The following NDFIP1 variants were observed in gnomAD, a reference collection of about 807,000 sequenced individuals.
NDFIP1 encodes the protein Nedd4 family interacting protein 1.
Under a neutral mutation model 28.8 loss-of-function variants are expected in NDFIP1, and 7 were observed. That is an observed-to-expected ratio of 0.24 (90% confidence interval 0.14 to 0.46). The LOEUF is 0.46. Ranked by LOEUF, NDFIP1 falls within the 20% of genes least tolerant of loss-of-function variation. The pLI, the probability that NDFIP1 is intolerant of heterozygous loss-of-function variation, is 0.99. For synonymous variants in NDFIP1, 92 were observed against 101.0 expected (o/e 0.91, Z 0.53); for missense variants, 194 against 269.1 (o/e 0.72, Z 1.95).
At chr5:142,114,592 T>C (rs980743252) in intron 1 of NDFIP1, among the ~76,000 whole-genome samples, 1 of 152,228 alleles carries the variant, frequency 6.6e-6, no homozygotes, top group African/African-American at 2.4e-5. Context: ...CCACATTATT[T>C]TGAAACGAAT....
intron 1 of NDFIP1, 120 bp downstream of exon 1, chr5:142,109,157 G>C: frequency 1.1e-6 from 1 of 945,284 alleles, no homozygotes; most frequent in African/African-American, 1.7e-5. Context: ...GGCAGGCCGC[G>C]CTGGGCCTGG....
intron 1 of NDFIP1, among the ~76,000 whole-genome samples, chr5:142,118,725 C>A (rs1395570313): frequency 6.6e-6 from 1 of 152,210 alleles, no homozygotes; most frequent in Non-Finnish European, 1.5e-5. Context: ...GAATTTCCTG[C>A]ATGGGGCATT....
chr5:142,146,788 C>T (rs1267433787), intron 7 of NDFIP1, among the ~76,000 whole-genome samples: 6 of 152,106 alleles, frequency 3.9e-5, no homozygotes, highest in African/African-American at 1.2e-4. Flanking sequence ...GAAATAGCAG[C>T]CCAGTTGACA....
intron 1 of NDFIP1, among the ~76,000 whole-genome samples, chr5:142,121,497 T>C (rs933279295): frequency 4.6e-5 from 7 of 152,226 alleles, no homozygotes; most frequent in African/African-American, 1.4e-4. Context: ...GCCATCCAAA[T>C]CATAGCAATC....
At position 142,152,507 on chromosome 5, in the gene NDFIP1, C is replaced by T. The variant is rs1239593478; in HGVS notation, c.*779C>T. On this transcript the variant is annotated 3_prime_UTR_variant, in exon 8 of 8. Coordinates refer to ENST00000253814, the MANE Select transcript of NDFIP1 (RefSeq NM_030571.4). ...CTTCACCCCCACCCCCACCCCCACC[C>T]CCCTTATTTTCCTTTTGTCTCCTGG... The T allele has an allele frequency of 6.7e-6, 1 of 148,618 alleles. No individual in the cohort carries two copies. Among genetic ancestry groups the T allele is most frequent in the African/African-American group, 2.5e-5 (1 of 40,138 alleles). The allele number at this position is 148,618 out of a possible 1,614,324, so 9.2% of individuals were successfully genotyped here.
chr5:142,132,400 A>G (rs1221511553), intron 3 of NDFIP1, 58 bp downstream of exon 3: 10 of 1,566,956 alleles, frequency 6.4e-6, no homozygotes, highest in Non-Finnish European at 7.8e-6. Context: ...AGTTATTTTC[A>G]TTATCCAATT....
chr5:142,143,205 A>G (rs1757354069), intron 6 of NDFIP1: 1 of 152,014 alleles, frequency 6.6e-6, no homozygotes, highest in Admixed American at 6.6e-5. Context: ...TATTTCACAT[A>G]AAACGCCTGA....
rs60076432 is a variant in NDFIP1 at position 142,142,940 on chromosome 5, A to AAAAATAT, written c.563-1630_563-1629insAAATATA. On this transcript the variant is annotated intron_variant, in intron 6 of 7. Coordinates refer to ENST00000253814, the MANE Select transcript of NDFIP1 (RefSeq NM_030571.4). ...CTCAAAAAAAAAAAAAAAAAAAAAA[A>AAAAATAT]ATATATATATATATATATATATATA... 6.3e-4 allele frequency: 24 copies of AAAAATAT among 38,142 alleles called. 1 individual carries two copies. The highest frequency in any genetic ancestry group is 2.4e-3 in the Admixed American group (6 of 2,500). The allele number at this position is 38,142 out of a possible 1,614,324, so 2.4% of individuals were successfully genotyped here.
At position 142,131,881 on chromosome 5, in the gene NDFIP1, C is replaced by G; in HGVS notation, c.137C>G (p.Ser46Cys). The G allele has an allele frequency of 6.2e-7, 1 of 1,600,972 alleles. No individual in the cohort carries two copies. Among genetic ancestry groups the G allele is most frequent in the Non-Finnish European group, 8.5e-7 (1 of 1,176,234 alleles). The change falls in exon 2 of 8, where the codon TCT becomes TGT. Residue 46 changes from serine to cysteine, a missense_variant. Coordinates refer to ENST00000253814, the MANE Select transcript of NDFIP1 (RefSeq NM_030571.4). ...GCTCCTCCACCTTACAGCAGCATTT[C>G]TGCAGAGAGCGCAGGTAGGTAACAG... ...GDAPPPYSSI[S>C]AESAAYFDYK...
At chr5:142,116,551 T>C (rs1757071104) in intron 1 of NDFIP1, among the ~76,000 whole-genome samples, 1 of 152,034 alleles carries the variant, frequency 6.6e-6, no homozygotes, top group South Asian at 2.1e-4. Flanking sequence ...GTATTTTTAG[T>C]AGAGGTGGGG....
chr5:142,132,066 A>G, intron 2 of NDFIP1, 146 bp from the exon 3 acceptor site: 3 of 1,082,642 alleles, frequency 2.8e-6, no homozygotes. Flanking sequence ...CCAGTCTCTT[A>G]CATTCATCTA....
At position 142,153,185 on chromosome 5, in the gene NDFIP1, C is replaced by G. The variant is rs1276932140; in HGVS notation, c.*1457C>G. On this transcript the variant is annotated 3_prime_UTR_variant, in exon 8 of 8. Coordinates refer to ENST00000253814, the MANE Select transcript of NDFIP1 (RefSeq NM_030571.4). ...TTCAGTCAGTTGAAATTAAAGATTC[C>G]TCATTTCTCCTGATTTCTATTCTTG... is the stretch of plus-strand genomic sequence containing the variant. 1 of 429,090 alleles carries G rather than the reference C, an allele frequency of 2.3e-6. No individual in the cohort carries two copies. Among genetic ancestry groups the G allele is most frequent in the African/African-American group, 2.1e-5 (1 of 48,694 alleles). 26.6% of individuals were successfully genotyped at this position (429,090 alleles called of 1,614,324 possible).
chr5:142,110,974 T>G (rs986837189), intron 1 of NDFIP1, among the ~76,000 whole-genome samples: 2 of 152,028 alleles, frequency 1.3e-5, no homozygotes, highest in East Asian at 1.9e-4. Flanking sequence ...GTAGTGATTA[T>G]AAGGATATAC....
chr5:142,120,476 G>A (rs1757112928), intron 1 of NDFIP1, among the ~76,000 whole-genome samples: 1 of 152,154 alleles, frequency 6.6e-6, no homozygotes, highest in Non-Finnish European at 1.5e-5. Context: ...TTGTCATCCT[G>A]CTTCTAGCTT....
At position 142,135,832 on chromosome 5, in the gene NDFIP1, A is replaced by G. The variant is rs991529081; in HGVS notation, c.370+15A>G. On this transcript the variant is annotated intron_variant, in intron 4 of 7. Coordinates refer to ENST00000253814, the MANE Select transcript of NDFIP1 (RefSeq NM_030571.4). ...AACTTTTTTCAGTAAGTATGTATGCATATCAGAACCACCCCCTACAAACTA... is the reference window on the plus strand; with the variant it reads ...AACTTTTTTCAGTAAGTATGTATGCGTATCAGAACCACCCCCTACAAACTA... The G allele has an allele frequency of 3.8e-6, 6 of 1,580,088 alleles. No homozygotes were observed. Among genetic ancestry groups the G allele is most frequent in the East Asian group, 4.5e-5 (2 of 44,682 alleles).
chr5:142,124,871 G>A (rs1757155357), intron 1 of NDFIP1, among the ~76,000 whole-genome samples: 3 of 151,998 alleles, frequency 2.0e-5, no homozygotes, highest in African/African-American at 7.2e-5. Flanking sequence ...TGTCGCCCAG[G>A]CGGGAGTGCA....
chr5:142,113,449 A>G (rs1757035573), intron 1 of NDFIP1, among the ~76,000 whole-genome samples: 1 of 152,196 alleles, frequency 6.6e-6, no homozygotes, highest in African/African-American at 2.4e-5. Context: ...CTAAATGTCA[A>G]AGTTTCTTAA....
chr5:142,129,868 A>G (rs2338821), intron 1 of NDFIP1, among the ~76,000 whole-genome samples: 98,651 of 146,484 alleles, frequency 0.67, 33,572 homozygotes, highest in African/African-American at 0.78. Context: ...CCGAGATCCC[A>G]CCATTGCTCT....
intron 1 of NDFIP1, among the ~76,000 whole-genome samples, chr5:142,118,523 TATC>T (rs1229292441): frequency 6.6e-6 from 1 of 152,140 alleles, no homozygotes; most frequent in East Asian, 1.9e-4. Flanking sequence ...CAACATGACT[TATC>T]ATTGTTGACA....
Sources: allele counts gnomAD v4.1 joint callset (sites outside exome capture counted in the v4.1 genomes callset), GRCh38; gene constraint gnomAD v4.1.1; transcripts MANE v1.5; gene names NCBI Gene and HGNC (gene_info 2026-07-23, HGNC 2026-07-21).